The following TMEM217 variants were observed in gnomAD, a reference collection of about 807,000 sequenced individuals.
TMEM217 encodes the protein chromosome 6 open reading frame 128.
For missense variants in TMEM217, 204 were observed against 248.8 expected, an observed-to-expected ratio of 0.82 and a Z score of 1.21; for synonymous variants, 76 against 88.3, an observed-to-expected ratio of 0.86 and a Z score of 0.78.
At chr6:37,215,570 C>CGAAAAAAAAAAAAAAAA, downstream of TMEM217, among the ~76,000 whole-genome samples, 1 of 72,368 alleles carries the variant, frequency 1.4e-5, no homozygotes. Flanking sequence ...GACTCTGTCT[C>CGAAAAAAAAAAAAAAAA]AAAAAAAAAA....
At chr6:37,234,583 A>T (rs761833221) in intron 1 of TMEM217, among the ~76,000 whole-genome samples, 15 of 151,980 alleles carry the variant, frequency 9.9e-5, no homozygotes, top group Non-Finnish European at 2.1e-4. Flanking sequence ...TAAGAAGTCC[A>T]CATCTGGCCA....
intron 1 of TMEM217, among the ~76,000 whole-genome samples, chr6:37,256,814 T>G (rs1765770339): frequency 1.3e-5 from 2 of 152,154 alleles, no homozygotes; most frequent in South Asian, 4.1e-4. Context: ...CACTCTGGAC[T>G]GGTGCCCGCC....
At chr6:37,257,531 T>TA in intron 1 of TMEM217, 37 bp downstream of exon 1, 1 of 229,718 alleles carries the variant, frequency 4.4e-6, no homozygotes, top group Non-Finnish European at 8.7e-6. Flanking sequence ...ACGAAGAAGA[T>TA]AATCCCCTCT....
At chr6:37,213,070 G>A, downstream of TMEM217, 1 of 1,002,978 alleles carries the variant, frequency 1.0e-6, no homozygotes, top group South Asian at 1.6e-5. Context: ...CAAGTCACTA[G>A]ATATAAATCA....
intron 1 of TMEM217, among the ~76,000 whole-genome samples, chr6:37,233,310 T>C (rs1183792109): frequency 1.3e-5 from 2 of 152,240 alleles, no homozygotes; most frequent in Admixed American, 6.5e-5. Flanking sequence ...TGAATCATTA[T>C]TTTTCTGATC....
At chr6:37,225,867 C>T (rs1012455409) in intron 1 of TMEM217, among the ~76,000 whole-genome samples, 1 of 152,072 alleles carries the variant, frequency 6.6e-6, no homozygotes, top group Non-Finnish European at 1.5e-5. Context: ...ATTAGGGGTG[C>T]TCTCACCTTC....
intron 1 of TMEM217, among the ~76,000 whole-genome samples, chr6:37,248,061 C>T (rs540122181): frequency 6.6e-6 from 1 of 152,212 alleles, no homozygotes; most frequent in South Asian, 2.1e-4. Flanking sequence ...GGATGCTTTT[C>T]CCTGCCTCTT....
At chr6:37,218,025 A>C (rs1763310258) in exon 2 of TMEM217, 13 of 993,726 alleles carry the variant, frequency 1.3e-5, no homozygotes, top group Non-Finnish European at 1.6e-5. Flanking sequence ...AAAGAGTGGC[A>C]GTAGGGTCTC....
At chr6:37,245,379 T>C (rs1001805074) in intron 1 of TMEM217, among the ~76,000 whole-genome samples, 1 of 152,256 alleles carries the variant, frequency 6.6e-6, no homozygotes, top group Non-Finnish European at 1.5e-5. Context: ...TGGGGGTTGC[T>C]GCCATGCTGG....
intron 1 of TMEM217, among the ~76,000 whole-genome samples, chr6:37,246,885 AG>A (rs920168269): frequency 3.5e-5 from 5 of 143,820 alleles, no homozygotes; most frequent in African/African-American, 1.3e-4. Context: ...CCTGGGCAAC[AG>A]AGCAAGACTC....
At chr6:37,248,028 T>A (rs1427863223) in intron 1 of TMEM217, among the ~76,000 whole-genome samples, 1 of 152,178 alleles carries the variant, frequency 6.6e-6, no homozygotes, top group Non-Finnish European at 1.5e-5. Flanking sequence ...CATAGTTCCA[T>A]GTAGGTCTCA....
chr6:37,224,391 G>A (rs1763697180), intron 1 of TMEM217, among the ~76,000 whole-genome samples: 1 of 151,184 alleles, frequency 6.6e-6, no homozygotes, highest in South Asian at 2.1e-4. Flanking sequence ...GAGGTCAGGA[G>A]ATCGAGACCA....
intron 1 of TMEM217, among the ~76,000 whole-genome samples, chr6:37,250,204 A>G (rs1765322728): frequency 6.6e-6 from 1 of 152,250 alleles, no homozygotes; most frequent in Admixed American, 6.5e-5. Flanking sequence ...GGTAGAAAAT[A>G]TAAAAACAAG....
Position 37,226,498 on chromosome 6 carries a change from C to T in TMEM217, c.-11-7457G>A, listed in dbSNP as rs564540313. 1.8e-4 allele frequency among the ~76,000 whole-genome samples: 27 copies of T among 151,324 alleles called. No individual in the cohort carries two copies. The East Asian group carries it at 4.9e-3, about 27-fold the overall frequency. ...ATTTTGAGTAGAGACGGGGTTTCAC[C>T]GTGTTAGCCAGGATGGTCTCGATCT... On this transcript the variant is annotated intron_variant, in intron 1 of 1. Transcript: ENST00000357219.
chr6:37,251,213 G>T (rs954766346), intron 1 of TMEM217, among the ~76,000 whole-genome samples: 4 of 152,164 alleles, frequency 2.6e-5, no homozygotes, highest in African/African-American at 9.7e-5. Flanking sequence ...ATGTCAGACA[G>T]GTAATGTGCC....
chr6:37,246,327 C>T (rs1049682295), intron 1 of TMEM217, among the ~76,000 whole-genome samples: 9 of 152,126 alleles, frequency 5.9e-5, no homozygotes, highest in Non-Finnish European at 1.2e-4. Context: ...TTTTTGTCTG[C>T]TCCCACATGT....
intron 1 of TMEM217, among the ~76,000 whole-genome samples, chr6:37,235,583 G>T (rs1764456721): frequency 6.9e-6 from 1 of 145,428 alleles, no homozygotes; most frequent in Non-Finnish European, 1.5e-5. Context: ...AGCCAGGATG[G>T]TCTCGATCTC....
chr6:37,229,386 A>G (rs931000186), intron 1 of TMEM217, among the ~76,000 whole-genome samples: 5 of 114,772 alleles, frequency 4.4e-5, no homozygotes, highest in Non-Finnish European at 8.1e-5. Flanking sequence ...TCTGTCGCCC[A>G]GGCTGGAGTG....
intron 1 of TMEM217, among the ~76,000 whole-genome samples, chr6:37,251,918 A>C (rs932696953): frequency 2.0e-5 from 3 of 152,064 alleles, no homozygotes; most frequent in African/African-American, 7.2e-5. Flanking sequence ...TATGAGATGG[A>C]GTTTCACTCT....
Sources: gnomAD v4.1 joint callset for allele counts (sites outside exome capture counted in the v4.1 genomes callset) on GRCh38, gnomAD v4.1.1 for gene constraint, MANE v1.5 for transcripts, NCBI Gene and HGNC (gene_info 2026-07-23, HGNC 2026-07-21) for gene names.